Variants in NCOA6 observed in about 807,000 individuals in gnomAD.
NCOA6 encodes NRC RAP250.
A neutral mutation model predicts 171.4 loss-of-function variants in NCOA6; 49 were observed. The ratio of observed to expected loss-of-function variants is 0.29; its 90% CI spans 0.23 to 0.36. The LOEUF (loss-of-function observed/expected upper bound fraction) is 0.36, where lower values mean the gene tolerates loss of function less well. NCOA6 is among the 10% of genes least tolerant of loss of function. The pLI is 1.00. For synonymous variants in NCOA6, 910 were observed against 927.5 expected, an observed-to-expected ratio of 0.98 and a Z score of 0.34; for missense variants, 2,248 against 2,554.5, an observed-to-expected ratio of 0.88 and a Z score of 2.59.
intron 4 of NCOA6, among the ~76,000 whole-genome samples, chr20:34,774,910 G>A (rs2077259881): frequency 6.6e-6 from 1 of 152,216 alleles, no homozygotes; most frequent in Admixed American, 6.5e-5. Flanking sequence ...GAAAGTGTGA[G>A]ATAAATGATC....
Position 34,743,115 on chromosome 20 carries a change from C to T in NCOA6, c.3141G>A (p.Arg1047=). 6.2e-7 allele frequency: 1 copy of T among 1,613,486 alleles called. No homozygotes were observed. Among genetic ancestry groups the T allele is most frequent in the Non-Finnish European group, 8.5e-7 (1 of 1,179,542 alleles). Residue 1047 remains arginine, a synonymous_variant, in exon 11 of 15, where the codon AGG becomes AGA. Coordinates refer to ENST00000359003, the MANE Select transcript of NCOA6 (RefSeq NM_014071.5). ...LMMQQDPKSV[R]LPVSQNVHPP... ...GATGGACATTTTGAGAGACTGGAAG[C>T]CTAACTGATTTGGGATCCTGCTGCA...
Position 34,757,496 on chromosome 20 carries a change from A to C in NCOA6, c.1252T>G (p.Leu418Val), listed in dbSNP as rs776455184. The C allele has an allele frequency of 6.2e-7, 1 of 1,613,846 alleles. No homozygotes were observed. Among genetic ancestry groups the C allele is most frequent in the African/African-American group, 1.3e-5 (1 of 75,008 alleles). Reference sequence around the variant, plus strand: ...TTGTTGGTGAGGTGGGGCTGCTGCAAGGGAGTTGGGACCCTAGAGGGCCCT... The same window carrying C: ...TTGTTGGTGAGGTGGGGCTGCTGCACGGGAGTTGGGACCCTAGAGGGCCCT... ...QGGPSRVPTP[L>V]QQPHLTNKSP... The change falls in exon 7 of 15, where the codon TTG (leucine) becomes GTG (valine). Residue 418 changes from leucine (L) to valine (V), a missense_variant. Leu to Val is a conservative substitution (Grantham distance 32). Around this residue, in one of 7 missense-constraint regions of NCOA6, gnomAD observed 987 missense variants for 1,104.7 expected, o/e 0.89. Transcript: ENST00000359003.
intron 3 of NCOA6, among the ~76,000 whole-genome samples, chr20:34,778,882 C>T (rs2077426860): frequency 1.3e-5 from 2 of 149,624 alleles, no homozygotes; most frequent in Non-Finnish European, 3.0e-5. Context: ...TGGCGTGAAC[C>T]CGGGAGACGG....
At chr20:34,806,792 T>C (rs2078466209) in intron 1 of NCOA6, among the ~76,000 whole-genome samples, 1 of 152,232 alleles carries the variant, frequency 6.6e-6, no homozygotes, top group Non-Finnish European at 1.5e-5. Context: ...TGCCATGCTG[T>C]TTTGGTTACA....
Position 34,757,376 on chromosome 20 carries a change from G to A in NCOA6, c.1372C>T (p.Pro458Ser). 1.2e-6 allele frequency: 2 copies of A among 1,614,172 alleles called. No homozygotes were observed. The highest frequency in any genetic ancestry group is 1.1e-5 in the South Asian group (1 of 91,082). The change falls in exon 7 of 15, where the codon CCT (proline) becomes TCT (serine). Residue 458 changes from proline to serine, a missense_variant. Pro to Ser is a moderately conservative substitution (Grantham distance 74). This residue lies in a region of NCOA6 where 987 missense variants were observed against 1,104.7 expected (regional missense o/e 0.89). Transcript: ENST00000359003. ...QTQQQMGPRP[P>S]QNNPLPQGFQ... ...CCCTGGGGAAGTGGGTTATTTTGAG[G>A]TGGCCTTGGTCCCATCTGCTGCTGA...
At chr20:34,784,572 G>C (rs1179017576) in intron 2 of NCOA6, among the ~76,000 whole-genome samples, 2 of 152,042 alleles carry the variant, frequency 1.3e-5, no homozygotes, top group Admixed American at 6.6e-5. Flanking sequence ...CTTGAGGGCA[G>C]CGATTTAAGA....
At chr20:34,759,021 G>T in intron 5 of NCOA6, 88 bp from the exon 6 acceptor site, 4 of 1,408,806 alleles carry the variant, frequency 2.8e-6, no homozygotes, top group Non-Finnish European at 3.9e-6. Context: ...AAAAGATATG[G>T]AAAATTTGTT....
chr20:34,775,415 G>A (rs568277451), intron 4 of NCOA6, among the ~76,000 whole-genome samples: 32 of 152,022 alleles, frequency 2.1e-4, no homozygotes, highest in Non-Finnish European at 3.4e-4. Flanking sequence ...ACTGCGGGCC[G>A]GCGTGATGGC....
At chr20:34,726,412 G>T (rs1989959498) in intron 14 of NCOA6, among the ~76,000 whole-genome samples, 1 of 152,102 alleles carries the variant, frequency 6.6e-6, no homozygotes, top group Non-Finnish European at 1.5e-5. Flanking sequence ...GAATAGAGTG[G>T]GAAAGATAGT....
intron 1 of NCOA6, among the ~76,000 whole-genome samples, chr20:34,799,409 A>T (rs1354523164): frequency 6.6e-6 from 1 of 152,232 alleles, no homozygotes; most frequent in Non-Finnish European, 1.5e-5. Flanking sequence ...AGAGAGGGGC[A>T]GAAAGTTTAT....
rs780239597 is a variant in NCOA6 at position 34,741,855 on chromosome 20, A to G, written c.4401T>C (p.Pro1467=). Residue 1467 remains proline (P), a synonymous_variant, in exon 11 of 15, where the codon CCT becomes CCC. Transcript: ENST00000359003. ...QSKKDGQPSD[P]NKLPSVEENK... ...TCTCTTCGACACTGGGAAGTTTGTT[A>G]GGATCCGAAGGCTGCCCATCCTTTT... The G allele has an allele frequency of 6.2e-6, 10 of 1,614,202 alleles. No individual in the cohort carries two copies. Among genetic ancestry groups the G allele is most frequent in the Non-Finnish European group, 7.6e-6 (9 of 1,180,028 alleles).
intron 14 of NCOA6, among the ~76,000 whole-genome samples, chr20:34,721,359 C>A (rs1317836591): frequency 1.3e-5 from 2 of 151,666 alleles, no homozygotes; most frequent in East Asian, 3.9e-4. Flanking sequence ...GGTGCACCAA[C>A]TCCACAGGGA....
chr20:34,745,379 AGAG>A (rs1165573779), intron 10 of NCOA6, among the ~76,000 whole-genome samples: 1 of 152,202 alleles, frequency 6.6e-6, no homozygotes, highest in East Asian at 1.9e-4. Flanking sequence ...TCTTATAAGA[AGAG>A]TTCAGATGTG....
chr20:34,767,078 C>G (rs766895752), intron 5 of NCOA6, among the ~76,000 whole-genome samples: 6 of 152,174 alleles, frequency 3.9e-5, no homozygotes, highest in Non-Finnish European at 8.8e-5. Context: ...TAAGTCCTAA[C>G]AAGAACTTAG....
chr20:34,810,588 C>T (rs2078622155), intron 1 of NCOA6, among the ~76,000 whole-genome samples: 1 of 151,308 alleles, frequency 6.6e-6, no homozygotes, highest in Non-Finnish European at 1.5e-5. Context: ...CGGAGTCTCG[C>T]TCTGTCACCC....
chr20:34,719,527 A>G (rs959819570), intron 14 of NCOA6, among the ~76,000 whole-genome samples: 2 of 152,078 alleles, frequency 1.3e-5, no homozygotes, highest in African/African-American at 4.8e-5. Flanking sequence ...GCTATTCGGG[A>G]GGCTGAGCCA....
chr20:34,715,684 A>T (rs1007581341), intron 14 of NCOA6, among the ~76,000 whole-genome samples: 1 of 152,248 alleles, frequency 6.6e-6, no homozygotes, highest in African/African-American at 2.4e-5. Context: ...TTCTCATCAT[A>T]AAACGAAGTG....
chr20:34,737,304 T>C (rs968070788), intron 11 of NCOA6, among the ~76,000 whole-genome samples: 1 of 152,266 alleles, frequency 6.6e-6, no homozygotes, highest in Non-Finnish European at 1.5e-5. Context: ...ATATGTTATT[T>C]ACTTATCTAA....
intron 2 of NCOA6, among the ~76,000 whole-genome samples, chr20:34,782,912 T>C (rs1429029790): frequency 6.6e-6 from 1 of 152,170 alleles, no homozygotes; most frequent in Non-Finnish European, 1.5e-5. Context: ...TCATGAACCA[T>C]TTTAAACAAC....
Sources: gnomAD v4.1 joint callset for allele counts (sites outside exome capture counted in the v4.1 genomes callset) on GRCh38, gnomAD v4.1.1 for gene constraint, gnomAD v4.1.1 regional missense constraint, MANE v1.5 for transcripts, NCBI Gene and HGNC (gene_info 2026-07-23, HGNC 2026-07-21) for gene names.